The following SLC4A5 variants were observed in gnomAD, a reference collection of about 807,000 sequenced individuals.
SLC4A5 encodes the protein electrogenic sodium bicarbonate cotransporter 4.
In SLC4A5, 96 loss-of-function variants were observed where a neutral mutation model predicts 120.4. That is an observed-to-expected ratio of 0.80 (90% CI 0.68 to 0.94). The LOEUF (loss-of-function observed/expected upper bound fraction) is 0.94, where lower values mean the gene tolerates loss of function less well. Ranked by LOEUF, SLC4A5 falls within the 40% of genes least tolerant of loss-of-function variation. The pLI is 0.00. For synonymous variants in SLC4A5, 550 were observed against 571.1 expected (o/e 0.96, Z 0.53); for missense variants, 1,259 against 1,459.5 (o/e 0.86, Z 2.24).
intron 16 of SLC4A5, 38 bp downstream of exon 16, chr2:74,252,141 A>C: frequency 6.2e-7 from 1 of 1,600,758 alleles, no homozygotes. Flanking sequence ...GAGAAGTCTA[A>C]AGGACAGCAG....
chr2:74,308,580 T>G (rs994953260), intron 6 of SLC4A5, among the ~76,000 whole-genome samples: 1 of 152,236 alleles, frequency 6.6e-6, no homozygotes, highest in Non-Finnish European at 1.5e-5. Context: ...GTTTCCTTAT[T>G]GAGTTTTAAA....
At position 74,227,998 on chromosome 2, in the gene SLC4A5, CAG is replaced by C. The variant is rs1330588057; in HGVS notation, c.2848-122_2848-121del. The C allele has an allele frequency of 4.4e-6, 3 of 684,182 alleles. No homozygotes were observed. In the African/African-American group the frequency reaches 5.5e-5, roughly 12 times the overall value. 42.4% of individuals were successfully genotyped at this position (684,182 alleles called of 1,614,324 possible). A position where few individuals can be genotyped will look rare whatever the true frequency, so the allele number is the denominator to read the frequency against. The stretch of plus-strand genomic sequence containing the variant: ...CTAGGAAACTGGATATTTGGGGGAA[CAG>C]AGAGTCAGCAGAACTGGGATGTGGG... On this transcript the variant is annotated intron_variant, in intron 25 of 30. Transcript: ENST00000394019.
intron 5 of SLC4A5, among the ~76,000 whole-genome samples, chr2:74,323,170 G>A (rs1673136587): frequency 6.6e-6 from 1 of 152,134 alleles, no homozygotes; most frequent in African/African-American, 2.4e-5. Flanking sequence ...AACCCAGGAG[G>A]TGGAGGTTGC....
At chr2:74,331,102 T>C (rs563514894) in intron 4 of SLC4A5, among the ~76,000 whole-genome samples, 10 of 149,998 alleles carry the variant, frequency 6.7e-5, no homozygotes, top group African/African-American at 2.5e-4. Context: ...TAGTGACGTA[T>C]AGATGGTGGT....
chr2:74,285,969 G>C, intron 7 of SLC4A5, 67 bp from the exon 8 acceptor site: 1 of 1,490,426 alleles, frequency 6.7e-7, no homozygotes, highest in Non-Finnish European at 9.0e-7. Context: ...AAGGCCAACA[G>C]AAATGGAGTA....
chr2:74,317,066 G>A lies in SLC4A5; in HGVS notation c.-2-2041C>T, dbSNP rs142932071. Among the ~76,000 whole-genome samples, 434 of 152,286 alleles carry A rather than the reference G, an allele frequency of 2.8e-3. 2 individuals carry two copies. The highest frequency in any genetic ancestry group is 0.01 in the Middle Eastern group (3 of 294). On this transcript the variant is annotated intron_variant, in intron 5 of 30. Transcript: ENST00000394019. ...TTCATGAATATTCATAGATCCTCCTGTAACCTACTGAATATGCATGTTTAG... is the reference window on the plus strand; with the variant it reads ...TTCATGAATATTCATAGATCCTCCTATAACCTACTGAATATGCATGTTTAG...
chr2:74,260,868 G>A (rs1671113147), intron 11 of SLC4A5, among the ~76,000 whole-genome samples: 1 of 152,152 alleles, frequency 6.6e-6, no homozygotes, highest in South Asian at 2.1e-4. Context: ...GGGTGCACAA[G>A]GCCCTCTTTG....
At chr2:74,304,903 C>T (rs1672594400) in intron 6 of SLC4A5, among the ~76,000 whole-genome samples, 1 of 152,106 alleles carries the variant, frequency 6.6e-6, no homozygotes. Context: ...AATTAGAATT[C>T]TGTTAGAATG....
rs556544548 is a variant in SLC4A5 at position 74,234,163 on chromosome 2, TTTTC to T, written c.2434-604_2434-601del. On this transcript the variant is annotated intron_variant, in intron 22 of 30. Coordinates refer to ENST00000394019, the Ensembl canonical transcript of SLC4A5. ...GGTGAGATCGTTGGTGCTCTTTTTT[TTTTC>T]TTTCTTTCTTTCTTTTTTTTTTTGT... 2.9e-3 allele frequency among the ~76,000 whole-genome samples: 433 copies of T among 151,838 alleles called. 3 individuals are homozygous for T. Among genetic ancestry groups the T allele is most frequent in the African/African-American group, 7.8e-3 (324 of 41,386 alleles).
At chr2:74,299,210 G>A (rs1672408884) in intron 7 of SLC4A5, among the ~76,000 whole-genome samples, 1 of 152,190 alleles carries the variant, frequency 6.6e-6, no homozygotes, top group Admixed American at 6.5e-5. Context: ...AATTAGCTGG[G>A]TGTGGTGGTG....
intron 6 of SLC4A5, among the ~76,000 whole-genome samples, chr2:74,311,334 T>C (rs922869093): frequency 1.3e-5 from 2 of 152,184 alleles, no homozygotes; most frequent in African/African-American, 2.4e-5. Flanking sequence ...CCTTTTTTCT[T>C]CTTGCTTTAG....
At chr2:74,318,045 A>C (rs1187525215) in intron 5 of SLC4A5, among the ~76,000 whole-genome samples, 2 of 152,338 alleles carry the variant, frequency 1.3e-5, no homozygotes, top group Admixed American at 1.3e-4. Context: ...TCACAAAAGC[A>C]AAAATAGACA....
chr2:74,227,517 T>A, intron 26 of SLC4A5: 1 of 1,612,354 alleles, frequency 6.2e-7, no homozygotes, highest in Non-Finnish European at 8.5e-7. Flanking sequence ...AAATGCTCAC[T>A]GGAGTCAGCT....
At chr2:74,285,358 T>C (rs1671948120) in intron 8 of SLC4A5, among the ~76,000 whole-genome samples, 1 of 152,168 alleles carries the variant, frequency 6.6e-6, no homozygotes, top group African/African-American at 2.4e-5. Flanking sequence ...GGGTCAAAAA[T>C]ACAGTATTCA....
chr2:74,228,786 G>A (rs1319153223), intron 25 of SLC4A5, among the ~76,000 whole-genome samples: 5 of 152,002 alleles, frequency 3.3e-5, no homozygotes, highest in Non-Finnish European at 7.4e-5. Context: ...ATAGTTTGGC[G>A]GGTATCCTTC....
intron 19 of SLC4A5, among the ~76,000 whole-genome samples, chr2:74,242,626 C>T (rs1476790228): frequency 2.0e-5 from 3 of 152,182 alleles, no homozygotes; most frequent in Non-Finnish European, 4.4e-5. Flanking sequence ...CCCAGCTCTA[C>T]ACCATGAACT....
At chr2:74,229,262 G>C (rs992013275) in intron 25 of SLC4A5, among the ~76,000 whole-genome samples, 2 of 147,722 alleles carry the variant, frequency 1.4e-5, no homozygotes, top group African/African-American at 2.5e-5. Flanking sequence ...TTTTTTTTGG[G>C]GGGGGCACGG....
At chr2:74,287,357 A>T (rs1672016491) in intron 7 of SLC4A5, among the ~76,000 whole-genome samples, 1 of 151,916 alleles carries the variant, frequency 6.6e-6, no homozygotes, top group African/African-American at 2.4e-5. Context: ...AGTGTGGTGG[A>T]ATCAAATAGA....
intron 8 of SLC4A5, 105 bp from the exon 9 acceptor site, chr2:74,265,369 T>G (rs1671270571): frequency 4.4e-6 from 6 of 1,375,600 alleles, no homozygotes; most frequent in Non-Finnish European, 6.0e-6. Context: ...GCTATGTATG[T>G]GGTTGTGGTG....
Sources: allele counts gnomAD v4.1 joint callset (sites outside exome capture counted in the v4.1 genomes callset), GRCh38; gene constraint gnomAD v4.1.1; transcripts MANE v1.5; gene names NCBI Gene and HGNC (gene_info 2026-07-23, HGNC 2026-07-21).